Variants in MED13L observed in about 807,000 individuals in gnomAD.
The protein encoded by MED13L is mediator complex subunit 13L.
In MED13L, 7 loss-of-function variants were observed where a neutral mutation model predicts 220.9. That is an observed-to-expected ratio of 0.03 (90% CI 0.02 to 0.06). The LOEUF (loss-of-function observed/expected upper bound fraction) is 0.06. MED13L is among the 10% of genes least tolerant of loss of function. The pLI is 1.00. For synonymous variants in MED13L, 1,011 were observed against 1,015.2 expected (o/e 1.00, Z 0.08); for missense variants, 1,965 against 2,760.5 (o/e 0.71, Z 6.46).
At chr12:116,138,882 G>C (rs1464600705) in intron 2 of MED13L, among the ~76,000 whole-genome samples, 1 of 152,064 alleles carries the variant, frequency 6.6e-6, no homozygotes, top group Non-Finnish European at 1.5e-5. Flanking sequence ...AAGATGAAAG[G>C]GAAGAAAAAA....
chr12:116,209,204 A>G (rs1489887430), intron 2 of MED13L, among the ~76,000 whole-genome samples: 2 of 152,190 alleles, frequency 1.3e-5, no homozygotes, highest in African/African-American at 4.8e-5. Context: ...TAAATTGCCA[A>G]CAGTTTAGGT....
chr12:115,972,365 C>T (rs1876645696), intron 25 of MED13L, 129 bp from the exon 26 acceptor site: 2 of 1,031,878 alleles, frequency 1.9e-6, no homozygotes, highest in Non-Finnish European at 2.9e-6. Flanking sequence ...TATGGCTTTA[C>T]ATATGTTCCC....
intron 3 of MED13L, 129 bp from the exon 4 acceptor site, chr12:116,096,881 T>C: frequency 1.4e-6 from 1 of 722,292 alleles, no homozygotes; most frequent in South Asian, 1.6e-5. Context: ...CAAAATGTTT[T>C]ATCACTTAAA....
At chr12:116,136,366 A>G (rs1010644219) in intron 2 of MED13L, among the ~76,000 whole-genome samples, 1 of 152,166 alleles carries the variant, frequency 6.6e-6, no homozygotes, top group Non-Finnish European at 1.5e-5. Context: ...CATCAGAATG[A>G]TCTTCTCATA....
intron 2 of MED13L, among the ~76,000 whole-genome samples, chr12:116,120,935 AAC>A (rs575941283): frequency 3.9e-5 from 6 of 152,172 alleles, no homozygotes; most frequent in Non-Finnish European, 7.4e-5. Context: ...AATGAGTGAC[AAC>A]AGTCAATCAA....
chr12:116,197,156 G>C (rs1881684853), intron 2 of MED13L, among the ~76,000 whole-genome samples: 1 of 152,120 alleles, frequency 6.6e-6, no homozygotes, highest in South Asian at 2.1e-4. Context: ...ATTATATTAA[G>C]CTCCGGTGGA....
intron 4 of MED13L, among the ~76,000 whole-genome samples, chr12:116,096,288 G>A (rs796856822): frequency 2.0e-4 from 28 of 140,590 alleles, no homozygotes; most frequent in African/African-American, 4.7e-4. Context: ...CTGGGAAGTC[G>A]AGGCTGAGGT....
Position 116,229,410 on chromosome 12 carries a change from T to G in MED13L, c.310+8058A>C, listed in dbSNP as rs79861673. ...GCAAAACATTAGGCCATAATAACTA[T>G]ACTTACCAACAAACTGAAAATTATA... On this transcript the variant is annotated intron_variant, in intron 2 of 30. Coordinates refer to ENST00000281928, the MANE Select transcript of MED13L (RefSeq NM_015335.5). 5.2e-4 allele frequency among the ~76,000 whole-genome samples: 79 copies of G among 152,352 alleles called. 1 individual carries two copies. In the East Asian group the frequency reaches 0.014, roughly 27 times the overall value.
intron 1 of MED13L, among the ~76,000 whole-genome samples, chr12:116,249,425 TCAA>T (rs1399295867): frequency 6.6e-6 from 1 of 152,118 alleles, no homozygotes; most frequent in Non-Finnish European, 1.5e-5. Flanking sequence ...ATCCAGACTT[TCAA>T]CAACACTCAC....
Position 115,961,163 on chromosome 12 carries a change from G to T in MED13L, c.*103C>A. On this transcript the variant is annotated 3_prime_UTR_variant, in exon 31 of 31. Coordinates refer to ENST00000281928, the MANE Select transcript of MED13L (RefSeq NM_015335.5). ...TCACAGTGCAGGACTGTGGAGAGTG[G>T]TCTGAAGAAAAGGATGTGGGTTATT... 1 of 1,451,106 alleles carries T rather than the reference G, an allele frequency of 6.9e-7. No homozygotes were observed. The highest frequency in any genetic ancestry group is 9.6e-7 in the Non-Finnish European group (1 of 1,036,924). 89.9% of individuals were successfully genotyped at this position (1,451,106 alleles called of 1,614,324 possible).
At chr12:116,102,345 G>A (rs1351585897) in intron 3 of MED13L, among the ~76,000 whole-genome samples, 1 of 152,188 alleles carries the variant, frequency 6.6e-6, no homozygotes, top group African/African-American at 2.4e-5. Context: ...ACAGTTGGGA[G>A]GTATAGAAGG....
At chr12:116,272,328 C>G (rs764688949) in intron 1 of MED13L, among the ~76,000 whole-genome samples, 1 of 151,822 alleles carries the variant, frequency 6.6e-6, no homozygotes, top group African/African-American at 2.4e-5. Context: ...TTTGGGAGGC[C>G]GAGGCAGGCG....
In MED13L at chr12:115,972,058, A is replaced by C. The variant is rs1876623625; in HGVS notation, c.5890+20T>G. The C allele has an allele frequency of 6.2e-7, 1 of 1,613,086 alleles. No individual in the cohort carries two copies. Among genetic ancestry groups the C allele is most frequent in the South Asian group, 1.1e-5 (1 of 91,042 alleles). ...ATTGATGTGATATGTAATTAATGACAATGACAAGAAGAAATTTACCTGGCA... is the reference window on the plus strand; with the variant it reads ...ATTGATGTGATATGTAATTAATGACCATGACAAGAAGAAATTTACCTGGCA... On this transcript the variant is annotated intron_variant, in intron 26 of 30. Transcript: ENST00000281928.
chr12:115,965,220 T>C (rs1232810212), intron 29 of MED13L, among the ~76,000 whole-genome samples: 1 of 152,254 alleles, frequency 6.6e-6, no homozygotes, highest in Admixed American at 6.5e-5. Context: ...CACAGAATGA[T>C]TACATAGAAA....
In MED13L at chr12:116,008,467, G is replaced by A. The variant is rs1879191862; in HGVS notation, c.1946C>T (p.Pro649Leu). 1.2e-6 allele frequency: 2 copies of A among 1,613,328 alleles called. No individual in the cohort carries two copies. The highest frequency in any genetic ancestry group is 1.3e-5 in the African/African-American group (1 of 74,886). The change falls in exon 10 of 31, where the codon CCA (proline) becomes CTA (leucine). Residue 649 changes from proline to leucine, a missense_variant. Pro to Leu is a moderately conservative substitution (Grantham distance 98). Transcript: ENST00000281928. ...ATCACATCTCTCACCCTGGAGCTCTGGAGGCCTGAACTCAGCATCATCACT... is the reference window on the plus strand; with the variant it reads ...ATCACATCTCTCACCCTGGAGCTCTAGAGGCCTGAACTCAGCATCATCACT... The part of the protein sequence containing the change: ...PPSDDAEFRP[P>L]ELQGERCDAK...
At chr12:115,964,399 C>G (rs147308473) in intron 29 of MED13L, among the ~76,000 whole-genome samples, 14 of 152,312 alleles carry the variant, frequency 9.2e-5, no homozygotes, top group African/African-American at 2.6e-4. Flanking sequence ...CTTGAAGTCA[C>G]ATGATTCATC....
At chr12:116,220,685 C>T (rs576443486) in intron 2 of MED13L, among the ~76,000 whole-genome samples, 5 of 152,190 alleles carry the variant, frequency 3.3e-5, no homozygotes, top group South Asian at 2.1e-4. Flanking sequence ...GGCAACAGAG[C>T]GAGACTCTGT....
chr12:116,085,083 T>C (rs950913037), intron 4 of MED13L, among the ~76,000 whole-genome samples: 5 of 152,194 alleles, frequency 3.3e-5, no homozygotes, highest in Admixed American at 1.3e-4. Flanking sequence ...CCCTGAAATG[T>C]TGCCTAACAA....
intron 3 of MED13L, among the ~76,000 whole-genome samples, chr12:116,109,858 C>T (rs755270228): frequency 1.3e-5 from 2 of 152,140 alleles, no homozygotes; most frequent in Non-Finnish European, 2.9e-5. Flanking sequence ...TTTGGAGGAA[C>T]ACTCAGAGGA....
Sources: gnomAD v4.1 joint callset for allele counts (sites outside exome capture counted in the v4.1 genomes callset) on GRCh38, gnomAD v4.1.1 for gene constraint, MANE v1.5 for transcripts, NCBI Gene and HGNC (gene_info 2026-07-23, HGNC 2026-07-21) for gene names.